The following TPO variants were observed in gnomAD, a reference collection of about 807,000 sequenced individuals.
The protein encoded by TPO is thyroid peroxidase.
Under a neutral mutation model 96.9 loss-of-function variants are expected in TPO, and 78 were observed. The ratio of observed to expected loss-of-function variants is 0.81; its 90% CI spans 0.67 to 0.97. The LOEUF (loss-of-function observed/expected upper bound fraction) is 0.97. TPO is among the 50% of genes least tolerant of loss of function. TPO has a pLI of 0.00. For missense variants in TPO, 1,252 were observed against 1,274.8 expected, an observed-to-expected ratio of 0.98 and a Z score of 0.27; for synonymous variants, 547 against 538.0, an observed-to-expected ratio of 1.02 and a Z score of -0.23.
intron 1 of TPO, among the ~76,000 whole-genome samples, chr2:1,381,583 C>T (rs1400273407): frequency 6.6e-6 from 1 of 152,154 alleles, no homozygotes; most frequent in Non-Finnish European, 1.5e-5. Context: ...GGAACACAGA[C>T]CAAACCATAT....
Position 1,541,222 on chromosome 2 carries a change from G to A in TPO, c.2748+499G>A. 2.7e-6 allele frequency: 3 copies of A among 1,127,944 alleles called. No individual in the cohort carries two copies. The African/African-American group carries it at 4.8e-5, about 18-fold the overall frequency. The allele number at this position is 1,127,944 out of a possible 1,614,324, so 69.9% of individuals were successfully genotyped here. On this transcript the variant is annotated intron_variant, in intron 16 of 16. Transcript: ENST00000329066. ...TGAGAGAAGCAGAGAGCAGAACAGT[G>A]GCCTCCAGAGGGGAGTGGGGAGGTG...
At chr2:1,452,037 A>G (rs1667347390) in intron 5 of TPO, among the ~76,000 whole-genome samples, 1 of 152,172 alleles carries the variant, frequency 6.6e-6, no homozygotes. Context: ...ACATTCATAT[A>G]GTCTTACCAT....
At position 1,543,599 on chromosome 2, in the gene TPO, C is replaced by G. The variant is rs1680945723; in HGVS notation, c.*1125C>G. ...TCCCTAGGTGCCAGGCCATCCTGTTCTGTGTGTTCCCAAACTCTTAGTTTT... is the reference window on the plus strand; with the variant it reads ...TCCCTAGGTGCCAGGCCATCCTGTTGTGTGTGTTCCCAAACTCTTAGTTTT... On this transcript the variant is annotated 3_prime_UTR_variant, in exon 17 of 17. Coordinates refer to ENST00000329066, the MANE Select transcript of TPO (RefSeq NM_001206744.2). 6.6e-6 allele frequency: 1 copy of G among 152,188 alleles called. No individual in the cohort carries two copies. Among genetic ancestry groups the G allele is most frequent in the Non-Finnish European group, 1.5e-5 (1 of 68,030 alleles). The allele number at this position is 152,188 out of a possible 1,614,324, so 9.4% of individuals were successfully genotyped here. A position where few individuals can be genotyped will look rare whatever the true frequency, so the allele number is the denominator to read the frequency against.
rs189788327 is a variant in TPO at position 1,435,701 on chromosome 2, G to A, written c.350-551G>A. On this transcript the variant is annotated intron_variant, in intron 4 of 16. Coordinates refer to ENST00000329066, the MANE Select transcript of TPO (RefSeq NM_001206744.2). ...AAAGAAAAACAGGAAATTGTTTCCT[G>A]GGTTCTCGTCTCATCTGGAAAGATT... Among the ~76,000 whole-genome samples, 10 of 152,228 alleles carry A rather than the reference G, an allele frequency of 6.6e-5. No individual in the cohort carries two copies. In the East Asian group the frequency reaches 1.9e-3, roughly 29 times the overall value.
intron 11 of TPO, among the ~76,000 whole-genome samples, chr2:1,495,666 G>T (rs1426029005): frequency 6.6e-6 from 1 of 152,252 alleles, no homozygotes; most frequent in African/African-American, 2.4e-5. Context: ...ACGCTGTGCT[G>T]CCCCTCCACA....
In TPO at chr2:1,503,936, T is replaced by C. The variant is rs28912997; in HGVS notation, c.2387-12T>C. The C allele has an allele frequency of 9.7e-4, 1,573 of 1,614,136 alleles. 16 individuals are homozygous for C. The African/African-American group carries it at 0.017, about 18-fold the overall frequency. ...GCTTCCTCTCACGTGTGTGGCCTTG[T>C]GTGTCTGGCAGATGTGAACGAGTGT... On this transcript the variant is annotated splice_polypyrimidine_tract_variant and intron_variant, in intron 13 of 16. Coordinates refer to ENST00000329066, the MANE Select transcript of TPO (RefSeq NM_001206744.2).
chr2:1,416,797 CTG>C lies in TPO; in HGVS notation c.94+2302_94+2303del, dbSNP rs973051386. On this transcript the variant is annotated intron_variant, in intron 2 of 16. Coordinates refer to ENST00000329066, the MANE Select transcript of TPO (RefSeq NM_001206744.2). ...CTGTTTGGAAAATGATGCCCAATGA[CTG>C]TGTGTGGGTTTATGTCACCTGTGCT... 5.3e-5 allele frequency among the ~76,000 whole-genome samples: 8 copies of C among 152,224 alleles called. No homozygotes were observed. In the South Asian group the frequency reaches 1.2e-3, roughly 24 times the overall value.
intron 7 of TPO, among the ~76,000 whole-genome samples, chr2:1,476,228 G>C (rs1047139241): frequency 6.6e-6 from 1 of 152,120 alleles, no homozygotes; most frequent in Non-Finnish European, 1.5e-5. Context: ...GTCCAACCCC[G>C]GTGATCTTGT....
chr2:1,517,494 G>A (rs550110962), intron 15 of TPO, among the ~76,000 whole-genome samples: 5 of 152,202 alleles, frequency 3.3e-5, no homozygotes, highest in South Asian at 4.1e-4. Context: ...AGAGCCCCTC[G>A]AGGCTTCCTC....
Position 1,484,854 on chromosome 2 carries a change from GGTGA to G in TPO, c.1597+8_1597+11del, listed in dbSNP as rs1670980338. On this transcript the variant is annotated splice_donor_variant and splice_donor_region_variant and intron_variant, in intron 9 of 16. Transcript: ENST00000329066. LOFTEE classifies it high-confidence loss of function. ...CAGCCCATGGACATTACTCCGTGGAGGTGAGTGAGTGCGGTCCCTGCAGCTGGTC... is the reference window on the plus strand; with the variant it reads ...CAGCCCATGGACATTACTCCGTGGAGGTGAGTGCGGTCCCTGCAGCTGGTC... 3 of 1,613,596 alleles carry G rather than the reference GGTGA, an allele frequency of 1.9e-6. No homozygotes were observed. Among genetic ancestry groups the G allele is most frequent in the Admixed American group, 1.7e-5 (1 of 60,004 alleles).
intron 15 of TPO, among the ~76,000 whole-genome samples, chr2:1,539,249 T>A (rs994030109): frequency 2.6e-5 from 4 of 152,218 alleles, no homozygotes. Context: ...TGAATTTTAA[T>A]AGAAGCTGGC....
chr2:1,453,361 GAACTGCCCCTGGT>G (rs1318706228), intron 5 of TPO, among the ~76,000 whole-genome samples: 1 of 152,200 alleles, frequency 6.6e-6, no homozygotes, highest in Non-Finnish European at 1.5e-5. Context: ...GTCCTCCAGA[GAACTGCCCCTGGT>G]ACATTCTAGA....
chr2:1,500,371 G>A (rs1320648799), intron 13 of TPO, among the ~76,000 whole-genome samples: 1 of 152,068 alleles, frequency 6.6e-6, no homozygotes, highest in African/African-American at 2.4e-5. Context: ...TCCAAAATCT[G>A]GTACAAATGC....
chr2:1,437,839 G>C (rs552023284), intron 5 of TPO, among the ~76,000 whole-genome samples: 59 of 152,296 alleles, frequency 3.9e-4, no homozygotes, highest in Non-Finnish European at 6.2e-4. Flanking sequence ...GAAGCCTGGG[G>C]GGGGGTCTGT....
intron 7 of TPO, among the ~76,000 whole-genome samples, 161 bp from the exon 8 acceptor site, chr2:1,476,924 CG>C (rs1022377180): frequency 1.9e-4 from 28 of 147,676 alleles, no homozygotes; most frequent in Admixed American, 6.7e-4. Flanking sequence ...GTAAGCAGGC[CG>C]GGGGGGGAGG....
At chr2:1,384,061 T>C (rs1485800397) in intron 1 of TPO, among the ~76,000 whole-genome samples, 1 of 152,240 alleles carries the variant, frequency 6.6e-6, no homozygotes, top group Non-Finnish European at 1.5e-5. Flanking sequence ...GGCTCTGTTC[T>C]GTTCCATTGG....
chr2:1,457,188 T>C (rs1667876718), intron 7 of TPO, among the ~76,000 whole-genome samples: 1 of 83,686 alleles, frequency 1.2e-5, no homozygotes, highest in South Asian at 7.6e-4. Context: ...ATACTGTGGG[T>C]ACACATATAT....
At position 1,535,007 on chromosome 2, in the gene TPO, C is replaced by A. The variant is rs562587820; in HGVS notation, c.2619-5587C>A. On this transcript the variant is annotated intron_variant, in intron 15 of 16. Transcript: ENST00000329066. ...CAGTGTGTGCAATTTCCCTAAATCG[C>A]CGCAAGTGTGTACAACCTCCCCAAA... Among the ~76,000 whole-genome samples, 29 of 145,482 alleles carry A rather than the reference C, an allele frequency of 2.0e-4. 2 individuals are homozygous for A. The highest frequency in any genetic ancestry group is 7.2e-4 in the African/African-American group (28 of 39,048).
intron 14 of TPO, among the ~76,000 whole-genome samples, chr2:1,504,819 T>C (rs1673239433): frequency 6.6e-6 from 1 of 152,208 alleles, no homozygotes; most frequent in Admixed American, 6.5e-5. Context: ...GTTAATAGTC[T>C]GGCTTCCAGC....
Sources: allele counts gnomAD v4.1 joint callset (sites outside exome capture counted in the v4.1 genomes callset), GRCh38; gene constraint gnomAD v4.1.1; transcripts MANE v1.5; gene names NCBI Gene and HGNC (gene_info 2026-07-23, HGNC 2026-07-21).